PAGE2B: variants seen among roughly 807,000 people sequenced by gnomAD.
The protein encoded by PAGE2B is putative G antigen family E member 3.
In PAGE2B, 5 loss-of-function variants were observed where a neutral mutation model predicts 7.6. The observed-to-expected ratio is 0.66, with a 90% CI of 0.34 to 1.38. PAGE2B has a LOEUF of 1.38. PAGE2B is among the 40% of genes most tolerant of loss of function. PAGE2B has a pLI of 0.04. For missense variants in PAGE2B, 70 were observed against 78.4 expected (o/e 0.89, Z 0.41); for synonymous variants, 29 against 26.7 (o/e 1.09, Z -0.27).
chrX:55,051,793 C>G, the PAGE2B span, among the ~76,000 whole-genome samples: 1 of 111,772 alleles, frequency 8.9e-6, no homozygotes, highest in Admixed American at 9.5e-5. Flanking sequence ...TCTTCTGAAG[C>G]CTTCTTCTCT....
chrX:55,045,081 G>A, the PAGE2B span: 1 of 112,114 alleles, frequency 8.9e-6, no homozygotes, highest in African/African-American at 3.2e-5. Context: ...TTCTCTGGCG[G>A]AGAATAAGAA....
At chrX:55,055,189 C>A in the PAGE2B span, 1 of 108,859 alleles carries the variant, frequency 9.2e-6, no homozygotes, top group African/African-American at 3.3e-5. Flanking sequence ...AAACCTCATA[C>A]CTACTAAAAA....
At chrX:55,037,327 A>G in the PAGE2B span, among the ~76,000 whole-genome samples, 3 of 112,152 alleles carry the variant, frequency 2.7e-5, no homozygotes, top group East Asian at 8.4e-4. Flanking sequence ...GCCATCAGAG[A>G]AATGCAAATC....
chrX:55,061,717 A>G, the PAGE2B span, among the ~76,000 whole-genome samples: 1 of 111,295 alleles, frequency 9.0e-6, no homozygotes, highest in Non-Finnish European at 1.9e-5. Context: ...TTTTGCGCCC[A>G]TTAACCATCC....
the PAGE2B span, among the ~76,000 whole-genome samples, chrX:55,035,947 C>T: frequency 9.0e-6 from 1 of 111,616 alleles, no homozygotes; most frequent in African/African-American, 3.3e-5. Context: ...GAATGTTCTT[C>T]CATTTGTTTT....
the PAGE2B span, among the ~76,000 whole-genome samples, chrX:55,037,818 G>A: frequency 6.9e-5 from 7 of 101,301 alleles, no homozygotes; most frequent in East Asian, 3.2e-4. Context: ...ACCAAACACC[G>A]CATGTTCTCA....
At chrX:55,048,177 C>T in the PAGE2B span, among the ~76,000 whole-genome samples, 4 of 111,846 alleles carry the variant, frequency 3.6e-5, no homozygotes, top group South Asian at 1.5e-3. Flanking sequence ...TGGTCTTTAT[C>T]TCTGTTTTGG....
At chrX:55,049,663 C>T in the PAGE2B span, among the ~76,000 whole-genome samples, 5 of 111,573 alleles carry the variant, frequency 4.5e-5, no homozygotes, top group Admixed American at 9.6e-5. Flanking sequence ...TCCCCTTTAT[C>T]ATTTTTTATT....
chrX:55,068,249 G>C, the PAGE2B span, among the ~76,000 whole-genome samples: 1 of 111,640 alleles, frequency 9.0e-6, no homozygotes, highest in Non-Finnish European at 1.9e-5. Context: ...AAGGGATCCA[G>C]TTTCAGCGGC....
the PAGE2B span, among the ~76,000 whole-genome samples, chrX:55,035,417 T>TGG: frequency 8.9e-6 from 1 of 111,854 alleles, no homozygotes; most frequent in East Asian, 2.8e-4. Flanking sequence ...ATGAGTTTAC[T>TGG]GGATAAAGCA....
chrX:55,048,926 G>T, the PAGE2B span, among the ~76,000 whole-genome samples: 1 of 111,924 alleles, frequency 8.9e-6, no homozygotes, highest in African/African-American at 3.2e-5. Flanking sequence ...CATTCAGTAT[G>T]ATACTGGCTG....
At chrX:55,051,974 C>A in the PAGE2B span, among the ~76,000 whole-genome samples, 9 of 111,676 alleles carry the variant, frequency 8.1e-5, no homozygotes, top group African/African-American at 2.9e-4. Flanking sequence ...TGGTGACGTA[C>A]AGATGGGTTT....
At chrX:55,073,752 A>C (rs190583693), upstream of PAGE2B, among the ~76,000 whole-genome samples, 467 of 111,493 alleles carry the variant, frequency 4.2e-3, 2 homozygotes, top group African/African-American at 0.014. Context: ...TCTCCTCCCT[A>C]GTTAGCTGTA....
the PAGE2B span, among the ~76,000 whole-genome samples, chrX:55,066,653 A>G: frequency 1.8e-5 from 2 of 111,477 alleles, 1 homozygote; most frequent in Middle Eastern, 8.4e-3. Context: ...CTGCTGCCAG[A>G]TGTATTGGAG....
chrX:55,070,498 A>T (rs1936438944), upstream of PAGE2B, among the ~76,000 whole-genome samples: 1 of 111,843 alleles, frequency 8.9e-6, no homozygotes, highest in African/African-American at 3.3e-5. Flanking sequence ...GCTGAGAAGA[A>T]TGTATATTCT....
upstream of PAGE2B, among the ~76,000 whole-genome samples, chrX:55,072,528 G>A (rs1331812903): frequency 2.7e-5 from 3 of 112,651 alleles, no homozygotes; most frequent in East Asian, 8.5e-4. Flanking sequence ...GGAGGCACAG[G>A]GGTCAGGGAC....
At chrX:55,067,866 G>T in the PAGE2B span, among the ~76,000 whole-genome samples, 1 of 112,343 alleles carries the variant, frequency 8.9e-6, no homozygotes, top group African/African-American at 3.2e-5. Flanking sequence ...AGAAGTGTCT[G>T]ATCATATCCT....
At chrX:55,072,815 A>C (rs1263235028), upstream of PAGE2B, among the ~76,000 whole-genome samples, 1 of 111,946 alleles carries the variant, frequency 8.9e-6, no homozygotes, top group East Asian at 2.8e-4. Context: ...CACTTTGCCA[A>C]GCTGTGATGA....
chrX:55,062,012 G>A, the PAGE2B span, among the ~76,000 whole-genome samples: 1 of 111,700 alleles, frequency 9.0e-6, no homozygotes, highest in Non-Finnish European at 1.9e-5. Flanking sequence ...GGACACTTAG[G>A]TTGCTTCCAA....
Sources: allele counts gnomAD v4.1 joint callset (sites outside exome capture counted in the v4.1 genomes callset), GRCh38; gene constraint gnomAD v4.1.1; transcripts MANE v1.5; gene names NCBI Gene and HGNC (gene_info 2026-07-23, HGNC 2026-07-21).